The following PTPRN2 variants were observed in gnomAD, a reference collection of about 807,000 sequenced individuals.
The protein encoded by PTPRN2 is receptor-type tyrosine-protein phosphatase N2.
PTPRN2 carries 74 observed loss-of-function variants against 118.8 expected under a neutral mutation model. That is an observed-to-expected ratio of 0.62 (90% CI 0.52 to 0.76). The LOEUF is 0.76. Among genes scored for constraint, PTPRN2 ranks in the 30% least tolerant of loss-of-function variants. PTPRN2 has a pLI of 0.00. For synonymous variants in PTPRN2, 641 were observed against 608.0 expected (o/e 1.05, Z -0.80); for missense variants, 1,481 against 1,394.4 (o/e 1.06, Z -0.99).
chr7:158,344,284 G>A (rs1807321694), intron 2 of PTPRN2, among the ~76,000 whole-genome samples: 1 of 152,166 alleles, frequency 6.6e-6, no homozygotes, highest in African/African-American at 2.4e-5. Context: ...GTCTTCAGCA[G>A]GAACAAGGCA....
chr7:157,675,265 C>G lies in PTPRN2; in HGVS notation c.2001+7460G>C, dbSNP rs973355102. ...AGCTGGGCCCACCTGACCAGGGCTT[C>G]CCTCCTGCCGAGCCCTCACCTCGAT... On this transcript the variant is annotated intron_variant, in intron 13 of 22. Coordinates refer to ENST00000389418, the MANE Select transcript of PTPRN2 (RefSeq NM_002847.5). Among the ~76,000 whole-genome samples, 3 of 152,188 alleles carry G rather than the reference C, an allele frequency of 2.0e-5. No homozygotes were observed. In the East Asian group the frequency reaches 5.8e-4, roughly 29 times the overall value.
Position 157,982,216 on chromosome 7 carries a change from G to T in PTPRN2, c.1724-83479C>A, listed in dbSNP as rs578019480. Among the ~76,000 whole-genome samples, 85 of 142,880 alleles carry T rather than the reference G, an allele frequency of 5.9e-4. 1 individual carries two copies. The highest frequency in any genetic ancestry group is 2.1e-3 in the African/African-American group (81 of 38,690). 93.7% of individuals were successfully genotyped at this position (142,880 alleles called of 152,430 possible). ...TCCCCCCTAAACCCCGAGTCACAGA[G>T]ATGAGGAGGGGAATGCAGAGTGCGG... On this transcript the variant is annotated intron_variant, in intron 11 of 22. Transcript: ENST00000389418.
chr7:157,616,774 CATG>C (rs1344745735), intron 15 of PTPRN2: 1 of 151,676 alleles, frequency 6.6e-6, no homozygotes, highest in Non-Finnish European at 1.5e-5. Flanking sequence ...AAAAGCAAAT[CATG>C]ATAACTTTTG....
chr7:158,296,741 G>A (rs942960983), intron 3 of PTPRN2, among the ~76,000 whole-genome samples: 2 of 152,218 alleles, frequency 1.3e-5, no homozygotes, highest in Admixed American at 6.5e-5. Flanking sequence ...CCCTGTGAGG[G>A]GAATAAGGGA....
chr7:157,779,965 A>G lies in PTPRN2; in HGVS notation c.1789-97028T>C, dbSNP rs1304734154. On this transcript the variant is annotated intron_variant, in intron 12 of 22. Coordinates refer to ENST00000389418, the MANE Select transcript of PTPRN2 (RefSeq NM_002847.5). This position sits in a 1 kb window ranked among gnomAD's most constrained non-coding sequence, Gnocchi z 4.7. ...GACTGCTGTGTCCACACGGGTTAAT[A>G]AAAATGCTGACCCCAGTTCCCAAGG... 6.6e-6 allele frequency among the ~76,000 whole-genome samples: 1 copy of G among 152,180 alleles called. No homozygotes were observed. Among genetic ancestry groups the G allele is most frequent in the Non-Finnish European group, 1.5e-5 (1 of 68,038 alleles).
intron 2 of PTPRN2, among the ~76,000 whole-genome samples, chr7:158,380,502 A>G (rs951766895): frequency 6.6e-6 from 1 of 152,224 alleles, no homozygotes; most frequent in African/African-American, 2.4e-5. Flanking sequence ...GTGATGCAAG[A>G]GGTGGGTTCT....
At position 157,565,377 on chromosome 7, in the gene PTPRN2, C is replaced by T. The variant is rs1799432873; in HGVS notation, c.2902+3525G>A. On this transcript the variant is annotated intron_variant, in intron 21 of 22. Coordinates refer to ENST00000389418, the MANE Select transcript of PTPRN2 (RefSeq NM_002847.5). ...AAAATTCCCGGTCTGTGGCTCCTGC[C>T]AGACAAAAGAAATGAGTCACCCCAG... Among the ~76,000 whole-genome samples the T allele has an allele frequency of 2.0e-5, 3 of 152,344 alleles. No homozygotes were observed. In the South Asian group the frequency reaches 6.2e-4, roughly 32 times the overall value.
chr7:157,955,878 C>T (rs1378685073), intron 11 of PTPRN2, among the ~76,000 whole-genome samples: 3 of 152,136 alleles, frequency 2.0e-5, no homozygotes, highest in Non-Finnish European at 2.9e-5. Context: ...CTGAGAAAAC[C>T]CCCAAATTGG....
chr7:158,052,581 G>A (rs1334756758), intron 11 of PTPRN2, among the ~76,000 whole-genome samples: 3 of 152,066 alleles, frequency 2.0e-5, no homozygotes, highest in East Asian at 1.9e-4. Flanking sequence ...GGCGCCCTTC[G>A]GACCTCCTGG....
At chr7:158,045,390 C>T (rs1039310287) in intron 11 of PTPRN2, among the ~76,000 whole-genome samples, 1 of 152,064 alleles carries the variant, frequency 6.6e-6, no homozygotes, top group African/African-American at 2.4e-5. Flanking sequence ...GGTAAAGATC[C>T]CAGCTATCCA....
chr7:158,414,686 G>C (rs1014271697), intron 2 of PTPRN2, among the ~76,000 whole-genome samples: 1 of 152,206 alleles, frequency 6.6e-6, no homozygotes, highest in Admixed American at 6.5e-5. Flanking sequence ...TGCCGGCATT[G>C]TGCCGTGCCT....
intron 12 of PTPRN2, among the ~76,000 whole-genome samples, chr7:157,778,252 C>T (rs957880675): frequency 1.1e-4 from 17 of 152,152 alleles, no homozygotes; most frequent in African/African-American, 3.4e-4. Context: ...TGAATGCAGG[C>T]GTCGAATGCC....
chr7:158,238,050 C>T (rs531051256), intron 3 of PTPRN2, among the ~76,000 whole-genome samples: 9 of 152,170 alleles, frequency 5.9e-5, no homozygotes, highest in Non-Finnish European at 1.2e-4. Flanking sequence ...GGCTGGGGCA[C>T]ACACACAATC....
chr7:157,942,534 A>G (rs1800210864), intron 11 of PTPRN2, among the ~76,000 whole-genome samples: 1 of 152,120 alleles, frequency 6.6e-6, no homozygotes, highest in African/African-American at 2.4e-5. Context: ...GTTCTTTTTC[A>G]GATGTCAAGC....
chr7:158,312,146 C>CCA (rs1801827661), intron 3 of PTPRN2, among the ~76,000 whole-genome samples: 1 of 140,320 alleles, frequency 7.1e-6, no homozygotes, highest in African/African-American at 2.7e-5. Flanking sequence ...GTGTAGACAG[C>CCA]CACACATGCA....
intron 13 of PTPRN2, among the ~76,000 whole-genome samples, chr7:157,661,932 G>A (rs1795912208): frequency 6.6e-6 from 1 of 152,222 alleles, no homozygotes; most frequent in Non-Finnish European, 1.5e-5. Context: ...GAGGCAACGG[G>A]GCCACCATGG....
chr7:158,209,779 T>C (rs1355793455), intron 3 of PTPRN2, among the ~76,000 whole-genome samples: 3 of 152,176 alleles, frequency 2.0e-5, no homozygotes. Context: ...TTCTCAAGAA[T>C]AGCCCATACA....
intron 11 of PTPRN2, among the ~76,000 whole-genome samples, chr7:157,982,946 C>T (rs866735071): frequency 2.8e-5 from 3 of 108,952 alleles, no homozygotes; most frequent in African/African-American, 1.1e-4. Context: ...CCCCGAGTCA[C>T]AGAGACGAGG....
chr7:158,102,724 A>G (rs1815332179), intron 10 of PTPRN2, among the ~76,000 whole-genome samples: 1 of 152,094 alleles, frequency 6.6e-6, no homozygotes, highest in African/African-American at 2.4e-5. Context: ...TCATTGCATC[A>G]CGCTTGAATC....
Sources: gnomAD v4.1 joint callset for allele counts (sites outside exome capture counted in the v4.1 genomes callset) on GRCh38, gnomAD v4.1.1 for gene constraint, Gnocchi (gnomAD v3.1) non-coding constraint, MANE v1.5 for transcripts, NCBI Gene and HGNC (gene_info 2026-07-23, HGNC 2026-07-21) for gene names.